Variants in VPS13C observed in about 807,000 individuals in gnomAD.
VPS13C encodes the protein intermembrane lipid transfer protein VPS13C.
VPS13C carries 358 observed loss-of-function variants against 456.8 expected under a neutral mutation model. That is an observed-to-expected ratio of 0.78 (90% CI 0.72 to 0.86). VPS13C has a LOEUF of 0.86. Among genes scored for constraint, VPS13C ranks in the 40% least tolerant of loss-of-function variants. The pLI is 0.00. For synonymous variants in VPS13C, 1,578 were observed against 1,486.7 expected, an observed-to-expected ratio of 1.06 and a Z score of -1.41; for missense variants, 4,818 against 4,385.4, an observed-to-expected ratio of 1.10 and a Z score of -2.79.
At chr15:62,046,187 T>A (rs1245139758) in intron 1 of VPS13C, among the ~76,000 whole-genome samples, 3 of 152,064 alleles carry the variant, frequency 2.0e-5, no homozygotes, top group Non-Finnish European at 4.4e-5. Flanking sequence ...AATGAAAGAA[T>A]ACAGGCAGTC....
In VPS13C at chr15:62,020,165, G is replaced by A. The variant is rs374532855; in HGVS notation, c.684+314C>T. 7.7e-4 allele frequency among the ~76,000 whole-genome samples: 116 copies of A among 151,516 alleles called. 3 individuals carry two copies. In the South Asian group the frequency reaches 0.021, roughly 27 times the overall value. ...TTTAGAAATTCCATCTACCTATACC[G>A]AAGATGAGTACATGACTCTACAGAA... On this transcript the variant is annotated intron_variant, in intron 9 of 84. Transcript: ENST00000644861.
At chr15:61,949,249 AAAC>A (rs2140283852) in intron 42 of VPS13C, among the ~76,000 whole-genome samples, 191 bp downstream of exon 42, 2 of 152,340 alleles carry the variant, frequency 1.3e-5, no homozygotes, top group African/African-American at 4.8e-5. Context: ...ATATAATATT[AAAC>A]AACATCTATT....
intron 15 of VPS13C, among the ~76,000 whole-genome samples, chr15:62,006,137 G>A (rs1283279792): frequency 6.6e-6 from 1 of 150,932 alleles, no homozygotes; most frequent in Non-Finnish European, 1.5e-5. Flanking sequence ...AAGTTCTAGG[G>A]TACATGCGCA....
intron 15 of VPS13C, among the ~76,000 whole-genome samples, chr15:62,003,033 G>A (rs1177744627): frequency 6.6e-6 from 1 of 152,272 alleles, no homozygotes; most frequent in Non-Finnish European, 1.5e-5. Flanking sequence ...GAACTTTAAA[G>A]TAGTTTTTTC....
At position 62,049,584 on chromosome 15, in the gene VPS13C, G is replaced by A. The variant is rs144993187; in HGVS notation, c.101-5329C>T. 4.7e-4 allele frequency among the ~76,000 whole-genome samples: 71 copies of A among 152,294 alleles called. No homozygotes were observed. In the East Asian group the frequency reaches 0.012, roughly 26 times the overall value. On this transcript the variant is annotated intron_variant, in intron 1 of 84. Transcript: ENST00000644861. Reference sequence around the variant, plus strand: ...TGGCTTAGGATTGACTTGGCAACATGGGCTCTTTTTTGGTTCCATATGAAC... The same window carrying A: ...TGGCTTAGGATTGACTTGGCAACATAGGCTCTTTTTTGGTTCCATATGAAC...
chr15:62,002,750 T>A (rs1349532944), intron 15 of VPS13C, among the ~76,000 whole-genome samples: 1 of 152,202 alleles, frequency 6.6e-6, no homozygotes, highest in Non-Finnish European at 1.5e-5. Context: ...CTAGACAGTT[T>A]TCCCAGCACC....
At chr15:61,898,367 G>A (rs2042896877) in intron 66 of VPS13C, among the ~76,000 whole-genome samples, 1 of 151,810 alleles carries the variant, frequency 6.6e-6, no homozygotes, top group Non-Finnish European at 1.5e-5. Flanking sequence ...CATCTCACGT[G>A]CAGAGACACA....
At chr15:61,909,684 T>C (rs1381012987) in intron 64 of VPS13C, among the ~76,000 whole-genome samples, 4 of 152,228 alleles carry the variant, frequency 2.6e-5, no homozygotes, top group African/African-American at 7.2e-5. Flanking sequence ...TTTTAAAATA[T>C]GAAAACTTCA....
intron 16 of VPS13C, among the ~76,000 whole-genome samples, chr15:61,998,945 T>A (rs1482896598): frequency 2.6e-5 from 4 of 152,224 alleles, no homozygotes; most frequent in Non-Finnish European, 5.9e-5. Context: ...TAATAACATT[T>A]TCTTTTCTCT....
intron 66 of VPS13C, among the ~76,000 whole-genome samples, chr15:61,903,814 G>A (rs764181226): frequency 3.9e-5 from 6 of 151,970 alleles, no homozygotes; most frequent in African/African-American, 7.3e-5. Flanking sequence ...TAGAGAACCC[G>A]GAAATAAATC....
chr15:62,017,582 G>A (rs2047303448), intron 9 of VPS13C, among the ~76,000 whole-genome samples: 1 of 152,170 alleles, frequency 6.6e-6, no homozygotes, highest in Non-Finnish European at 1.5e-5. Flanking sequence ...GTTTGTCAAA[G>A]ATCAGATAGT....
rs760284564 is a variant in VPS13C at position 61,941,822 on chromosome 15, A to C, written c.5394T>G (p.Tyr1798Ter). The C allele has an allele frequency of 6.2e-7, 1 of 1,613,734 alleles. No homozygotes were observed. Among genetic ancestry groups the C allele is most frequent in the Non-Finnish European group, 8.5e-7 (1 of 1,179,790 alleles). ...NKFSLVPMEH[Y>*]SLPPVIDKMN... ...TTTTATCAATGACTGGAGGAAGAGA[A>C]TAATGTTCCATAGGAACCAAGCTAA... Residue 1798 changes from tyrosine (Y) to a stop codon, truncating the protein, a stop_gained, in exon 46 of 85, where the codon TAT (tyrosine) becomes TAG (stop). Transcript: ENST00000644861. LOFTEE classifies it high-confidence loss of function.
chr15:62,034,353 C>G (rs2140655091), intron 4 of VPS13C, among the ~76,000 whole-genome samples: 1 of 151,582 alleles, frequency 6.6e-6, no homozygotes, highest in East Asian at 1.9e-4. Context: ...TTTATTTGTA[C>G]AATGGTTAAG....
In VPS13C at chr15:61,963,916, A is replaced by G; in HGVS notation, c.3250T>C (p.Phe1084Leu). The change falls in exon 32 of 85, where the codon TTC becomes CTC. Residue 1084 changes from phenylalanine to leucine, a missense_variant. By Grantham distance (22) the Phe-to-Leu change is conservative. This residue lies in a region of VPS13C where 4,552 missense variants were observed against 4,130.6 expected (regional missense o/e 1.10). Transcript: ENST00000644861. ...VSSRDSDIIDFRLFAKLNAFC... is the reference protein window; with the variant it reads ...VSSRDSDIIDLRLFAKLNAFC... Reference sequence around the variant, plus strand: ...GCATTCAACTTGGCAAATAGCCTGAAATCAATAATGTCACTATCTCTGGAG... The same window carrying G: ...GCATTCAACTTGGCAAATAGCCTGAGATCAATAATGTCACTATCTCTGGAG... 3 of 1,611,696 alleles carry G rather than the reference A, an allele frequency of 1.9e-6. No homozygotes were observed. Among genetic ancestry groups the G allele is most frequent in the Non-Finnish European group, 2.5e-6 (3 of 1,178,318 alleles).
chr15:62,038,189 A>G (rs2140688922), intron 3 of VPS13C, among the ~76,000 whole-genome samples: 1 of 152,332 alleles, frequency 6.6e-6, no homozygotes, highest in South Asian at 2.1e-4. Context: ...TTCCTAGATG[A>G]AAACTGAGGA....
chr15:62,013,726 T>C (rs1436148687), intron 10 of VPS13C, among the ~76,000 whole-genome samples: 2 of 152,048 alleles, frequency 1.3e-5, no homozygotes, highest in African/African-American at 4.8e-5. Context: ...AACTGTATCC[T>C]GTATCTTCAC....
chr15:62,028,380 AAAGTTCTCC>A lies in VPS13C; in HGVS notation c.417_425del (p.Leu139_Asn141del). The A allele has an allele frequency of 6.2e-7, 1 of 1,613,058 alleles. No homozygotes were observed. The highest frequency in any genetic ancestry group is 8.5e-7 in the Non-Finnish European group (1 of 1,179,286). ...CACCAGGCTTGATGTCCTTGTAAAC[AAAGTTCTCC>A]AAGCCATATATGAACTCCCCTGAAT... On this transcript the variant is annotated inframe_deletion, in exon 6 of 85. Coordinates refer to ENST00000644861, the MANE Select transcript of VPS13C (RefSeq NM_020821.3).
rs529223967 is a variant in VPS13C, at chr15:62,000,577, T to C, written c.1340A>G (p.Gln447Arg). The change falls in exon 16 of 85, where the codon CAA becomes CGA. Residue 447 changes from glutamine (Q) to arginine (R), a missense_variant. Physicochemically the swap from Gln to Arg is conservative, Grantham distance 43. Coordinates refer to ENST00000644861, the MANE Select transcript of VPS13C (RefSeq NM_020821.3). ...DVFNIILARQ[Q>R]AQVEVIRSGQ... ...AAAAATGATTACCTCAACTTGTGCT[T>C]GTTGCCTTGCTAAAATTATGTTAAA... 17 of 1,608,280 alleles carry C rather than the reference T, an allele frequency of 1.1e-5. No homozygotes were observed. In the African/African-American group the frequency reaches 2.3e-4, roughly 22 times the overall value.
rs772709656 is a variant in VPS13C at position 61,942,098 on chromosome 15, A to C, written c.5149-31T>G. The C allele has an allele frequency of 2.6e-6, 4 of 1,513,872 alleles. 1 individual carries two copies. The South Asian group carries it at 5.4e-5, about 20-fold the overall frequency. The allele number at this position is 1,513,872 out of a possible 1,614,324, so 93.8% of individuals were successfully genotyped here. A position where few individuals can be genotyped will look rare whatever the true frequency, so the allele number is the denominator to read the frequency against. On this transcript the variant is annotated intron_variant, in intron 45 of 84. Transcript: ENST00000644861. Reference sequence around the variant, plus strand: ...GGAAGAGACAGATATTTAGGGGAAAAAAGGCATTTATTTTTAAAAGAAAAA... The same window carrying C: ...GGAAGAGACAGATATTTAGGGGAAACAAGGCATTTATTTTTAAAAGAAAAA...
Sources: gnomAD v4.1 joint callset for allele counts (sites outside exome capture counted in the v4.1 genomes callset) on GRCh38, gnomAD v4.1.1 for gene constraint, gnomAD v4.1.1 regional missense constraint, MANE v1.5 for transcripts, NCBI Gene and HGNC (gene_info 2026-07-23, HGNC 2026-07-21) for gene names.